The following KHDRBS2 variants were observed in gnomAD, a reference collection of about 807,000 sequenced individuals.
KHDRBS2 encodes the protein KH RNA binding domain containing, signal transduction associated 2.
In KHDRBS2, 26 loss-of-function variants were observed where a neutral mutation model predicts 44.3. The ratio of observed to expected loss-of-function variants is 0.59; its 90% CI spans 0.43 to 0.81. The LOEUF is 0.81. KHDRBS2 is among the 40% of genes least tolerant of loss of function. The pLI is 0.00. For synonymous variants in KHDRBS2, 194 were observed against 151.1 expected, an observed-to-expected ratio of 1.28 and a Z score of -2.08; for missense variants, 476 against 433.1, an observed-to-expected ratio of 1.10 and a Z score of -0.88.
chr6:61,784,992 T>C (rs1418905280), intron 6 of KHDRBS2, among the ~76,000 whole-genome samples: 1 of 151,744 alleles, frequency 6.6e-6, no homozygotes, highest in South Asian at 2.1e-4. Flanking sequence ...CTACAAAAAA[T>C]ACAAAAATTT....
chr6:62,089,942 G>A lies in KHDRBS2; in HGVS notation c.220-41948C>T, dbSNP rs557871874. Among the ~76,000 whole-genome samples the A allele has an allele frequency of 9.9e-5, 15 of 152,244 alleles. No individual in the cohort carries two copies. In the South Asian group the frequency reaches 3.1e-3, roughly 32 times the overall value. On this transcript the variant is annotated intron_variant, in intron 2 of 8. Coordinates refer to ENST00000281156, the MANE Select transcript of KHDRBS2 (RefSeq NM_152688.4). ...AGGGGTCTGAAGTACAGTAAATAGTGAAGGCCAAGGAACTGCAACGTCTGC... is the reference window on the plus strand; with the variant it reads ...AGGGGTCTGAAGTACAGTAAATAGTAAAGGCCAAGGAACTGCAACGTCTGC...
intron 4 of KHDRBS2, among the ~76,000 whole-genome samples, chr6:61,941,697 AT>A (rs1812161736): frequency 6.6e-6 from 1 of 152,176 alleles, no homozygotes; most frequent in African/African-American, 2.4e-5. Context: ...ACATTACTGC[AT>A]GGACACAGAA....
chr6:62,276,080 C>T (rs749907382), intron 1 of KHDRBS2, among the ~76,000 whole-genome samples: 3 of 152,132 alleles, frequency 2.0e-5, no homozygotes, highest in East Asian at 1.9e-4. Context: ...TAGCATACAA[C>T]GCTATGAACC....
At chr6:61,573,823 C>A in the KHDRBS2 span, among the ~76,000 whole-genome samples, 1 of 151,552 alleles carries the variant, frequency 6.6e-6, no homozygotes, top group South Asian at 2.1e-4. Context: ...GTAAAAGAGC[C>A]TGCATAGCCA....
chr6:62,076,712 T>C (rs1796404450), intron 2 of KHDRBS2, among the ~76,000 whole-genome samples: 1 of 152,006 alleles, frequency 6.6e-6, no homozygotes, highest in African/African-American at 2.4e-5. Flanking sequence ...GTCCTGACAC[T>C]GACGAGAATG....
intron 3 of KHDRBS2, among the ~76,000 whole-genome samples, chr6:62,026,772 C>A (rs1468818925): frequency 6.6e-6 from 1 of 152,020 alleles, no homozygotes; most frequent in African/African-American, 2.4e-5. Context: ...TTCACATTAT[C>A]TTTTCTTAAG....
chr6:61,751,751 A>C (rs1441015692), intron 6 of KHDRBS2, among the ~76,000 whole-genome samples: 1 of 152,196 alleles, frequency 6.6e-6, no homozygotes, highest in East Asian at 1.9e-4. Flanking sequence ...CCATCAGAAA[A>C]TACCACAAAC....
At chr6:62,055,493 G>A (rs188960797) in intron 2 of KHDRBS2, among the ~76,000 whole-genome samples, 45 of 152,110 alleles carry the variant, frequency 3.0e-4, no homozygotes, top group African/African-American at 1.0e-3. Context: ...GAGTGTAAAT[G>A]AATACAACCA....
At chr6:61,553,191 A>T in the KHDRBS2 span, among the ~76,000 whole-genome samples, 1 of 151,988 alleles carries the variant, frequency 6.6e-6, no homozygotes, top group Non-Finnish European at 1.5e-5. Flanking sequence ...TGAACTTATG[A>T]TTTGTTCAGG....
At chr6:61,767,646 T>C (rs1192742652) in intron 6 of KHDRBS2, among the ~76,000 whole-genome samples, 3 of 152,146 alleles carry the variant, frequency 2.0e-5, no homozygotes, top group Non-Finnish European at 4.4e-5. Flanking sequence ...TGCTATATGC[T>C]TTTCCACTGA....
At chr6:61,944,043 G>A (rs1812695934) in intron 4 of KHDRBS2, among the ~76,000 whole-genome samples, 1 of 151,930 alleles carries the variant, frequency 6.6e-6, no homozygotes, top group South Asian at 2.1e-4. Context: ...GTGGAGAAGA[G>A]GGAACACTTA....
intron 2 of KHDRBS2, among the ~76,000 whole-genome samples, chr6:62,073,388 A>G (rs1300262449): frequency 1.3e-5 from 2 of 151,494 alleles, no homozygotes; most frequent in African/African-American, 4.8e-5. Context: ...TTTACTTCTC[A>G]AAGGTTACTA....
intron 3 of KHDRBS2, among the ~76,000 whole-genome samples, chr6:62,038,186 T>C (rs6901741): frequency 3.4e-4 from 51 of 152,178 alleles, no homozygotes; most frequent in East Asian, 1.7e-3. Context: ...TCAAAATATG[T>C]AAATTTTTAT....
intron 2 of KHDRBS2, among the ~76,000 whole-genome samples, chr6:62,067,364 T>A (rs1007164651): frequency 6.6e-6 from 1 of 151,566 alleles, no homozygotes; most frequent in African/African-American, 2.4e-5. Flanking sequence ...TTAAACTCAA[T>A]GTGTCTCATG....
chr6:62,029,920 A>G (rs1239458583), intron 3 of KHDRBS2, among the ~76,000 whole-genome samples: 1 of 152,006 alleles, frequency 6.6e-6, no homozygotes, highest in African/African-American at 2.4e-5. Flanking sequence ...CTAAGAAATA[A>G]AATTCTAAGT....
intron 4 of KHDRBS2, among the ~76,000 whole-genome samples, chr6:61,956,142 C>T (rs1011620246): frequency 3.3e-5 from 5 of 151,766 alleles, no homozygotes; most frequent in Admixed American, 6.6e-5. Flanking sequence ...TGCAGTGAGC[C>T]GAGATTGCAC....
chr6:61,625,546 T>C, the KHDRBS2 span, among the ~76,000 whole-genome samples: 1 of 151,968 alleles, frequency 6.6e-6, no homozygotes, highest in Non-Finnish European at 1.5e-5. Flanking sequence ...AGGAATAGCC[T>C]GAGGACAGCA....
At chr6:61,866,357 C>G (rs779052922) in intron 6 of KHDRBS2, among the ~76,000 whole-genome samples, 1 of 152,364 alleles carries the variant, frequency 6.6e-6, no homozygotes, top group East Asian at 1.9e-4. Flanking sequence ...CTTGCACACT[C>G]TGAGGCCACG....
intron 3 of KHDRBS2, among the ~76,000 whole-genome samples, chr6:61,984,424 A>C (rs1475571733): frequency 1.3e-5 from 2 of 152,124 alleles, no homozygotes; most frequent in Non-Finnish European, 2.9e-5. Flanking sequence ...GATTCACACA[A>C]ATGTTATTTT....
Sources: allele counts gnomAD v4.1 joint callset (sites outside exome capture counted in the v4.1 genomes callset), GRCh38; gene constraint gnomAD v4.1.1; transcripts MANE v1.5; gene names NCBI Gene and HGNC (gene_info 2026-07-23, HGNC 2026-07-21).